The following ZNF385B variants were observed in gnomAD, a reference collection of about 807,000 sequenced individuals.
The protein encoded by ZNF385B is zinc finger protein 385B, also known as zinc finger protein 533.
A neutral mutation model predicts 39.2 loss-of-function variants in ZNF385B; 23 were observed. The ratio of observed to expected loss-of-function variants is 0.59; its 90% CI spans 0.42 to 0.83. The LOEUF is 0.83. Among genes scored for constraint, ZNF385B ranks in the 40% least tolerant of loss-of-function variants. ZNF385B has a pLI of 0.00. For missense variants in ZNF385B, 552 were observed against 598.9 expected, an observed-to-expected ratio of 0.92 and a Z score of 0.82; for synonymous variants, 205 against 222.6, an observed-to-expected ratio of 0.92 and a Z score of 0.70.
intron 5 of ZNF385B, among the ~76,000 whole-genome samples, chr2:179,491,605 C>T (rs773585450): frequency 3.3e-5 from 5 of 152,164 alleles, no homozygotes; most frequent in Non-Finnish European, 5.9e-5. Context: ...CTAATTTTCT[C>T]AAAGAATTAT....
At chr2:179,795,304 T>TA (rs556896528) in intron 1 of ZNF385B, among the ~76,000 whole-genome samples, 2 of 152,110 alleles carry the variant, frequency 1.3e-5, no homozygotes, top group Non-Finnish European at 2.9e-5. Flanking sequence ...TGGGAAAAGT[T>TA]AGAGTTATAG....
chr2:179,473,211 G>C (rs1467060446), intron 6 of ZNF385B, among the ~76,000 whole-genome samples: 2 of 152,142 alleles, frequency 1.3e-5, no homozygotes, highest in East Asian at 3.8e-4. Context: ...ATGTGTCACT[G>C]AAAAAGTCAG....
chr2:179,618,612 C>T (rs1024796021), intron 3 of ZNF385B, among the ~76,000 whole-genome samples: 1 of 152,132 alleles, frequency 6.6e-6, no homozygotes, highest in Admixed American at 6.6e-5. Flanking sequence ...CTATCTAAAA[C>T]CAGGAGGTTA....
intron 1 of ZNF385B, among the ~76,000 whole-genome samples, chr2:179,829,885 C>T (rs1365970239): frequency 2.6e-5 from 4 of 152,150 alleles, no homozygotes; most frequent in Admixed American, 6.5e-5. Flanking sequence ...AGAAACTTAA[C>T]TGAAATTTAA....
chr2:179,632,258 G>A (rs1272833437), intron 3 of ZNF385B, among the ~76,000 whole-genome samples: 2 of 152,134 alleles, frequency 1.3e-5, no homozygotes, highest in African/African-American at 4.8e-5. Context: ...ATTCTTCTCA[G>A]CACCACATCA....
intron 3 of ZNF385B, among the ~76,000 whole-genome samples, chr2:179,641,153 T>C (rs977302744): frequency 2.0e-5 from 3 of 152,170 alleles, no homozygotes; most frequent in Non-Finnish European, 4.4e-5. Context: ...TTCTTTGTGC[T>C]GCTTTACAGA....
rs567570370 is a variant in ZNF385B, at chr2:179,463,013, C to G, written c.716-16243G>C. ...GGATTAGATTTGCTTAAATTAGAAA[C>G]ATATATAATAAAAAGTTATATATAC... On this transcript the variant is annotated intron_variant, in intron 6 of 9. Transcript: ENST00000410066. Among the ~76,000 whole-genome samples, 13 of 151,882 alleles carry G rather than the reference C, an allele frequency of 8.6e-5. No individual in the cohort carries two copies. In the South Asian group the frequency reaches 2.5e-3, roughly 29 times the overall value.
At chr2:179,513,847 A>G (rs1368064893) in intron 5 of ZNF385B, among the ~76,000 whole-genome samples, 1 of 152,206 alleles carries the variant, frequency 6.6e-6, no homozygotes, top group Non-Finnish European at 1.5e-5. Flanking sequence ...GTGAGGCAAC[A>G]TAATATAATA....
At chr2:179,624,398 A>G (rs1276986170) in intron 3 of ZNF385B, among the ~76,000 whole-genome samples, 3 of 152,150 alleles carry the variant, frequency 2.0e-5, no homozygotes, top group Admixed American at 6.5e-5. Flanking sequence ...CAAAGTAGAC[A>G]TTTCACAAAT....
chr2:179,483,498 T>C, intron 5 of ZNF385B, 64 bp from the exon 6 acceptor site: 1 of 1,600,156 alleles, frequency 6.2e-7, no homozygotes. Context: ...TGGATGATCA[T>C]GCAGGAGAAA....
intron 4 of ZNF385B, among the ~76,000 whole-genome samples, chr2:179,542,378 T>G (rs984765545): frequency 3.9e-4 from 59 of 152,294 alleles, no homozygotes; most frequent in Admixed American, 3.0e-3. Flanking sequence ...AAATAATTAT[T>G]TCATGTAGTT....
At chr2:179,754,886 T>C (rs1390691986) in intron 3 of ZNF385B, among the ~76,000 whole-genome samples, 2 of 152,108 alleles carry the variant, frequency 1.3e-5, no homozygotes, top group Non-Finnish European at 2.9e-5. Flanking sequence ...AAACCAGCTC[T>C]TGGATTCATT....
At chr2:179,787,240 T>C (rs1705059554) in intron 1 of ZNF385B, among the ~76,000 whole-genome samples, 1 of 152,052 alleles carries the variant, frequency 6.6e-6, no homozygotes, top group Non-Finnish European at 1.5e-5. Context: ...TTTTTATTTT[T>C]AATATATTCA....
chr2:179,448,905 A>G (rs1324205950), intron 6 of ZNF385B, among the ~76,000 whole-genome samples: 2 of 152,154 alleles, frequency 1.3e-5, no homozygotes, highest in African/African-American at 4.8e-5. Context: ...ATTTGGCGTA[A>G]GTGAAAATAT....
At chr2:179,584,009 T>C (rs1047226935) in intron 3 of ZNF385B, 2 of 1,131,014 alleles carry the variant, frequency 1.8e-6, no homozygotes, top group Non-Finnish European at 2.4e-6. Flanking sequence ...ACCTGCTACT[T>C]GTTGTGTACA....
chr2:179,464,162 T>C (rs2051698316), intron 6 of ZNF385B, among the ~76,000 whole-genome samples: 1 of 152,256 alleles, frequency 6.6e-6, no homozygotes, highest in South Asian at 2.1e-4. Flanking sequence ...TTGAGAAGTG[T>C]CTGTTCATAT....
intron 5 of ZNF385B, among the ~76,000 whole-genome samples, chr2:179,511,381 G>T (rs1423082148): frequency 6.6e-6 from 1 of 152,124 alleles, no homozygotes; most frequent in Admixed American, 6.6e-5. Context: ...AGTTGGTATT[G>T]TATTATATTA....
intron 6 of ZNF385B, among the ~76,000 whole-genome samples, chr2:179,472,400 T>G (rs1211119663): frequency 6.6e-6 from 1 of 152,236 alleles, no homozygotes; most frequent in Non-Finnish European, 1.5e-5. Context: ...AGAACAATGA[T>G]ATTGTGCTAG....
At chr2:179,810,701 T>C (rs1051585126) in intron 1 of ZNF385B, among the ~76,000 whole-genome samples, 1 of 152,064 alleles carries the variant, frequency 6.6e-6, no homozygotes. Flanking sequence ...AAACCAATTT[T>C]CTCTTTCAAC....
Sources: gnomAD v4.1 joint callset for allele counts (sites outside exome capture counted in the v4.1 genomes callset) on GRCh38, gnomAD v4.1.1 for gene constraint, MANE v1.5 for transcripts, NCBI Gene and HGNC (gene_info 2026-07-23, HGNC 2026-07-21) for gene names.